TMEM178B: variants seen among roughly 807,000 people sequenced by gnomAD.
TMEM178B encodes the protein transmembrane protein 178B.
In TMEM178B, 5 loss-of-function variants were observed where a neutral mutation model predicts 31.0. That is an observed-to-expected ratio of 0.16 (90% CI 0.08 to 0.34). The LOEUF is 0.34. TMEM178B is among the 10% of genes least tolerant of loss of function. The probability of loss-of-function intolerance (pLI) is 1.00; values close to 1 mark genes in which losing one functional copy is unlikely to be tolerated. For missense variants in TMEM178B, 275 were observed against 400.3 expected, an observed-to-expected ratio of 0.69 and a Z score of 2.67; for synonymous variants, 164 against 164.0, an observed-to-expected ratio of 1.00 and a Z score of 0.00.
intron 1 of TMEM178B, among the ~76,000 whole-genome samples, chr7:141,201,429 G>A (rs890411925): frequency 1.3e-5 from 2 of 152,222 alleles, no homozygotes; most frequent in African/African-American, 4.8e-5. Context: ...AAGGAGACTT[G>A]TGGGTGGGGA....
At chr7:141,101,376 A>G (rs372563898) in intron 1 of TMEM178B, among the ~76,000 whole-genome samples, 25 of 152,268 alleles carry the variant, frequency 1.6e-4, no homozygotes, top group African/African-American at 5.3e-4. Flanking sequence ...CTTTTTGCCT[A>G]TGGTCATGTG....
At chr7:141,265,314 G>A (rs1042630159) in intron 2 of TMEM178B, among the ~76,000 whole-genome samples, 2 of 152,140 alleles carry the variant, frequency 1.3e-5, no homozygotes, top group Non-Finnish European at 2.9e-5. Context: ...TGATGATGGG[G>A]TGGGGTGGGA....
chr7:141,272,440 T>G (rs1202936083), intron 2 of TMEM178B, among the ~76,000 whole-genome samples: 2 of 152,260 alleles, frequency 1.3e-5, no homozygotes, highest in African/African-American at 2.4e-5. Context: ...GCTATTTCCA[T>G]GAAATGATTC....
At chr7:141,230,873 A>G (rs1797430835) in intron 2 of TMEM178B, among the ~76,000 whole-genome samples, 1 of 152,142 alleles carries the variant, frequency 6.6e-6, no homozygotes, top group African/African-American at 2.4e-5. Context: ...CAGAGGCTGA[A>G]CCTTGAAGGC....
At chr7:141,250,375 C>T (rs1797811047) in intron 2 of TMEM178B, among the ~76,000 whole-genome samples, 1 of 152,180 alleles carries the variant, frequency 6.6e-6, no homozygotes, top group African/African-American at 2.4e-5. Flanking sequence ...TGTTCAAAGT[C>T]ACACAGCTAG....
At chr7:141,226,902 C>T (rs950005857) in intron 2 of TMEM178B, among the ~76,000 whole-genome samples, 10 of 151,320 alleles carry the variant, frequency 6.6e-5, no homozygotes, top group African/African-American at 1.7e-4. Flanking sequence ...TTACTAGTTC[C>T]GTTTTGATCC....
chr7:141,442,260 A>G (rs1181752), intron 3 of TMEM178B, among the ~76,000 whole-genome samples: 51,346 of 151,740 alleles, frequency 0.34, 11,241 homozygotes, highest in East Asian at 0.6. Context: ...GACATCCATC[A>G]CCTCCTCCCC....
At chr7:141,401,230 A>G (rs2116619321) in intron 2 of TMEM178B, among the ~76,000 whole-genome samples, 1 of 152,360 alleles carries the variant, frequency 6.6e-6, no homozygotes, top group South Asian at 2.1e-4. Flanking sequence ...GAGGGAACCC[A>G]CTAAGATGGT....
chr7:141,336,784 C>A (rs1284178031), intron 2 of TMEM178B, among the ~76,000 whole-genome samples: 2 of 150,898 alleles, frequency 1.3e-5, no homozygotes, highest in African/African-American at 2.5e-5. Flanking sequence ...TCACCATCAC[C>A]ACCACAACCA....
At chr7:141,278,449 G>A (rs182074024) in intron 2 of TMEM178B, among the ~76,000 whole-genome samples, 161 of 152,312 alleles carry the variant, frequency 1.1e-3, no homozygotes, top group African/African-American at 3.6e-3. Flanking sequence ...AGGCTTGGGG[G>A]CTGCGCACCT....
chr7:141,510,713 G>GA, the TMEM178B span, among the ~76,000 whole-genome samples: 6 of 61,992 alleles, frequency 9.7e-5, no homozygotes, highest in Admixed American at 4.0e-4. Context: ...AAAAAAAAAA[G>GA]AAAAAAAAAG....
chr7:141,416,314 C>CT (rs1407089879), intron 2 of TMEM178B: 1 of 152,702 alleles, frequency 6.5e-6, no homozygotes, highest in African/African-American at 2.4e-5. Flanking sequence ...GGCCCTGACT[C>CT]TTTTTCTTTT....
rs979469369 is a variant in TMEM178B, at chr7:141,074,994, G to C, written c.382+302G>C. Among the ~76,000 whole-genome samples, 3 of 152,234 alleles carry C rather than the reference G, an allele frequency of 2.0e-5. No individual in the cohort carries two copies. Among genetic ancestry groups the C allele is most frequent in the Non-Finnish European group, 4.4e-5 (3 of 68,042 alleles). On this transcript the variant is annotated intron_variant, in intron 1 of 3. Transcript: ENST00000565468. The surrounding 1 kb of genome is among the most constrained non-coding windows in gnomAD (Gnocchi z 5.1). ...ATGCTTCATCAGCCTCTGAGAAGAA[G>C]GGAATCTGGAACGTTGTTTGTGCTC...
At chr7:141,431,090 G>C (rs10952500) in intron 2 of TMEM178B, 1 of 151,998 alleles carries the variant, frequency 6.6e-6, no homozygotes, top group Non-Finnish European at 1.5e-5. Context: ...TGAATCCAGC[G>C]GTATTGATGT....
At chr7:141,185,943 T>C (rs999507002) in intron 1 of TMEM178B, among the ~76,000 whole-genome samples, 16 of 152,070 alleles carry the variant, frequency 1.1e-4, no homozygotes, top group African/African-American at 3.9e-4. Context: ...ATGAACTTAA[T>C]TGTGATATTA....
rs1055665627 is a variant in TMEM178B, at chr7:141,102,019, G to T, written c.382+27327G>T. Among the ~76,000 whole-genome samples the T allele has an allele frequency of 5.9e-5, 9 of 151,924 alleles. No individual in the cohort carries two copies. The South Asian group carries it at 1.9e-3, about 32-fold the overall frequency. On this transcript the variant is annotated intron_variant, in intron 1 of 3. Coordinates refer to ENST00000565468, the MANE Select transcript of TMEM178B (RefSeq NM_001195278.2). ...TTTTTTCAGTAGGTTTGATTAGGAT[G>T]TTTGAGGTGAGACTCAGCGAAAAAC...
Position 141,318,778 on chromosome 7 carries a change from C to T in TMEM178B, c.496+106074C>T, listed in dbSNP as rs1356453084. Among the ~76,000 whole-genome samples the T allele has an allele frequency of 3.9e-5, 6 of 152,132 alleles. No homozygotes were observed. In the South Asian group the frequency reaches 6.2e-4, roughly 16 times the overall value. On this transcript the variant is annotated intron_variant, in intron 2 of 3. Coordinates refer to ENST00000565468, the MANE Select transcript of TMEM178B (RefSeq NM_001195278.2). This position sits in a 1 kb window ranked among gnomAD's most constrained non-coding sequence, Gnocchi z 4.1. ...TCACATGTGCTAAGAATAATACTGT[C>T]GAATATTGTTAAACTGCTAGGAATC...
At chr7:141,153,000 G>A (rs1300589150) in intron 1 of TMEM178B, among the ~76,000 whole-genome samples, 3 of 152,168 alleles carry the variant, frequency 2.0e-5, no homozygotes, top group African/African-American at 7.2e-5. Flanking sequence ...TAGATATTTT[G>A]TCTTAAGTCA....
chr7:141,275,125 C>T (rs1477750013), intron 2 of TMEM178B, among the ~76,000 whole-genome samples: 1 of 152,260 alleles, frequency 6.6e-6, no homozygotes, highest in East Asian at 1.9e-4. Context: ...AAGCCAAAGA[C>T]TGGGAGAACT....
Sources: gnomAD v4.1 joint callset for allele counts (sites outside exome capture counted in the v4.1 genomes callset) on GRCh38, gnomAD v4.1.1 for gene constraint, Gnocchi (gnomAD v3.1) non-coding constraint, MANE v1.5 for transcripts, NCBI Gene and HGNC (gene_info 2026-07-23, HGNC 2026-07-21) for gene names.